The following IQCJ variants were observed in gnomAD, a reference collection of about 807,000 sequenced individuals.
IQCJ encodes IQ motif containing J.
IQCJ carries 9 observed loss-of-function variants against 11.0 expected under a neutral mutation model. That is an observed-to-expected ratio of 0.82 (90% CI 0.49 to 1.43). The LOEUF is 1.43. Ranked by LOEUF, IQCJ falls within the 40% of genes most tolerant of loss-of-function variation. The pLI, the probability that IQCJ is intolerant of heterozygous loss-of-function variation, is 0.00. For synonymous variants in IQCJ, 55 were observed against 51.3 expected (o/e 1.07, Z -0.31); for missense variants, 146 against 133.2 (o/e 1.10, Z -0.47).
chr3:159,151,705 G>T (rs955298553), intron 1 of IQCJ, among the ~76,000 whole-genome samples: 1 of 152,168 alleles, frequency 6.6e-6, no homozygotes, highest in Non-Finnish European at 1.5e-5. Context: ...GCGCTATATT[G>T]GTTCACTGCA....
chr3:159,186,845 G>A (rs1424363968), intron 1 of IQCJ, among the ~76,000 whole-genome samples: 1 of 152,238 alleles, frequency 6.6e-6, no homozygotes, highest in African/African-American at 2.4e-5. Flanking sequence ...GCTGGTGAGA[G>A]AAAACGGGAT....
chr3:159,179,272 C>G (rs148604853), intron 1 of IQCJ, among the ~76,000 whole-genome samples: 1 of 152,192 alleles, frequency 6.6e-6, no homozygotes, highest in East Asian at 1.9e-4. Context: ...TAGTTTGGGA[C>G]TATTTAACAG....
chr3:159,161,657 G>A (rs1448391124), intron 1 of IQCJ, among the ~76,000 whole-genome samples: 2 of 152,158 alleles, frequency 1.3e-5, no homozygotes, highest in Non-Finnish European at 2.9e-5. Context: ...GGTTTTTATG[G>A]TTTTAGGTCT....
intron 1 of IQCJ, among the ~76,000 whole-genome samples, chr3:159,087,195 G>T (rs1716847438): frequency 6.6e-6 from 1 of 151,992 alleles, no homozygotes; most frequent in South Asian, 2.1e-4. Flanking sequence ...TTTGTCTTTG[G>T]TTCTGTTTAT....
downstream of IQCJ, chr3:159,265,810 G>C (rs1268874229): frequency 6.4e-6 from 1 of 157,078 alleles, no homozygotes; most frequent in Non-Finnish European, 1.4e-5. Context: ...GCAGCCCCAC[G>C]CCCATAACTG....
intron 1 of IQCJ, among the ~76,000 whole-genome samples, chr3:159,202,796 C>G (rs1405461425): frequency 3.9e-5 from 6 of 152,128 alleles, no homozygotes; most frequent in Non-Finnish European, 5.9e-5. Flanking sequence ...AGCCACCGTG[C>G]CCAACTTAAG....
chr3:159,222,666 A>G (rs571207708), intron 1 of IQCJ, among the ~76,000 whole-genome samples: 2 of 152,284 alleles, frequency 1.3e-5, no homozygotes, highest in South Asian at 2.1e-4. Context: ...AAAATTTGCT[A>G]AGAGAGTAGG....
intron 1 of IQCJ, among the ~76,000 whole-genome samples, chr3:159,090,000 T>G (rs372302615): frequency 2.6e-5 from 4 of 151,964 alleles, no homozygotes; most frequent in African/African-American, 9.7e-5. Context: ...GGTGCTCTGC[T>G]TTTTAGAGTT....
At chr3:159,188,237 C>G (rs549800248) in intron 1 of IQCJ, among the ~76,000 whole-genome samples, 5 of 152,230 alleles carry the variant, frequency 3.3e-5, no homozygotes, top group Non-Finnish European at 7.4e-5. Flanking sequence ...ATGGTGAAAC[C>G]TTGTCTCTAT....
chr3:159,166,544 G>A (rs946363010), intron 1 of IQCJ, among the ~76,000 whole-genome samples: 2 of 152,148 alleles, frequency 1.3e-5, no homozygotes, highest in East Asian at 3.9e-4. Context: ...TTTAACACTA[G>A]CTCCTTTACT....
At chr3:159,111,765 G>T (rs1468706799) in intron 1 of IQCJ, among the ~76,000 whole-genome samples, 1 of 151,948 alleles carries the variant, frequency 6.6e-6, no homozygotes, top group Non-Finnish European at 1.5e-5. Flanking sequence ...CACATAAATT[G>T]GTCACATTAA....
At position 159,252,770 on chromosome 3, in the gene IQCJ, C is replaced by A. The variant is rs1463566642; in HGVS notation, c.118C>A (p.Pro40Thr). 7 of 1,612,280 alleles carry A rather than the reference C, an allele frequency of 4.3e-6. No individual in the cohort carries two copies. The African/African-American group carries it at 6.7e-5, about 15-fold the overall frequency. ...MDAENNIEKY[P>T]LNLQPLESKV... ...TGCAGAGAATAATATTGAAAAGTATCCCCTCAATCTACAGCCCTTGGAATC... is the reference window on the plus strand; with the variant it reads ...TGCAGAGAATAATATTGAAAAGTATACCCTCAATCTACAGCCCTTGGAATC... The change falls in exon 3 of 4, where the codon CCC (proline) becomes ACC (threonine). Residue 40 changes from proline to threonine, a missense_variant. Coordinates refer to ENST00000397832, the MANE Select transcript of IQCJ (RefSeq NM_001042706.3).
chr3:159,103,679 C>A (rs187074512), intron 1 of IQCJ, among the ~76,000 whole-genome samples: 1 of 152,316 alleles, frequency 6.6e-6, no homozygotes, highest in East Asian at 1.9e-4. Context: ...TTCCAGGAAT[C>A]ATTCCAGTGC....
chr3:159,165,200 G>A (rs1722096096), intron 1 of IQCJ, among the ~76,000 whole-genome samples: 1 of 152,168 alleles, frequency 6.6e-6, no homozygotes, highest in Admixed American at 6.5e-5. Context: ...CATCACTAGG[G>A]ACACATACCC....
At chr3:159,072,856 A>G (rs1715666117) in intron 1 of IQCJ, among the ~76,000 whole-genome samples, 2 of 152,110 alleles carry the variant, frequency 1.3e-5, no homozygotes, top group South Asian at 2.1e-4. Flanking sequence ...TCTAGAGCCC[A>G]GCCTTCTAGC....
intron 1 of IQCJ, among the ~76,000 whole-genome samples, chr3:159,087,386 G>T (rs113713181): frequency 1.5e-4 from 21 of 143,870 alleles, no homozygotes; most frequent in African/African-American, 4.1e-4. Context: ...TCTCTTTTTT[G>T]GTTGTGTCTC....
intron 1 of IQCJ, among the ~76,000 whole-genome samples, chr3:159,156,005 T>C (rs913367186): frequency 6.6e-6 from 1 of 152,208 alleles, no homozygotes; most frequent in African/African-American, 2.4e-5. Flanking sequence ...ATTTTGAAAA[T>C]TGAACTGTAG....
intron 1 of IQCJ, among the ~76,000 whole-genome samples, chr3:159,208,597 AT>A (rs1326450383): frequency 6.6e-6 from 1 of 152,088 alleles, no homozygotes; most frequent in Non-Finnish European, 1.5e-5. Flanking sequence ...AACAATCCTC[AT>A]TTTGCAAAGG....
chr3:159,151,003 T>C (rs889317668), intron 1 of IQCJ, among the ~76,000 whole-genome samples: 6 of 152,218 alleles, frequency 3.9e-5, no homozygotes, highest in African/African-American at 1.4e-4. Context: ...AGGTAGCCAA[T>C]GTTGGGAGTT....
Sources: allele counts gnomAD v4.1 joint callset (sites outside exome capture counted in the v4.1 genomes callset), GRCh38; gene constraint gnomAD v4.1.1; transcripts MANE v1.5; gene names NCBI Gene and HGNC (gene_info 2026-07-23, HGNC 2026-07-21).